The following SYNGR4 variants were observed in gnomAD, a reference collection of about 807,000 sequenced individuals.
The protein encoded by SYNGR4 is synaptogyrin 4.
A neutral mutation model predicts 15.5 loss-of-function variants in SYNGR4; 15 were observed. The ratio of observed to expected loss-of-function variants is 0.97; its 90% CI spans 0.65 to 1.49. The LOEUF (loss-of-function observed/expected upper bound fraction) is 1.49, where lower values mean the gene tolerates loss of function less well. Among genes scored for constraint, SYNGR4 ranks in the 40% most tolerant of loss-of-function variants. SYNGR4 has a pLI of 0.00. For synonymous variants in SYNGR4, 121 were observed against 127.4 expected (o/e 0.95, Z 0.34); for missense variants, 292 against 299.3 (o/e 0.98, Z 0.18).
At chr19:48,372,788 T>C (rs768636692) in intron 2 of SYNGR4, among the ~76,000 whole-genome samples, 6 of 152,230 alleles carry the variant, frequency 3.9e-5, no homozygotes, top group African/African-American at 7.2e-5. Flanking sequence ...GTGTTTCTTA[T>C]GTTTCTCTTC....
intron 2 of SYNGR4, among the ~76,000 whole-genome samples, chr19:48,366,648 T>C (rs28475045): frequency 0.095 from 14,412 of 151,920 alleles, 2,280 homozygotes; most frequent in African/African-American, 0.33. Context: ...TCAAGTGTTC[T>C]GCCCACCTCA....
intron 2 of SYNGR4, among the ~76,000 whole-genome samples, chr19:48,372,706 C>G (rs1970328310): frequency 6.6e-6 from 1 of 151,592 alleles, no homozygotes; most frequent in South Asian, 2.1e-4. Flanking sequence ...TAGTATTTGT[C>G]TAAAACAAAA....
At chr19:48,370,683 C>T (rs1458629844) in intron 2 of SYNGR4, among the ~76,000 whole-genome samples, 1 of 152,098 alleles carries the variant, frequency 6.6e-6, no homozygotes, top group African/African-American at 2.4e-5. Context: ...CCTTAACCTC[C>T]CAAAGCACTG....
chr19:48,368,714 C>T (rs560041913), intron 2 of SYNGR4, among the ~76,000 whole-genome samples: 11,949 of 148,644 alleles, frequency 0.08, 1,554 homozygotes, highest in African/African-American at 0.3. Context: ...AAATCATTAC[C>T]GTGTGTGAGG....
At chr19:48,371,133 C>T (rs1970298192) in intron 2 of SYNGR4, among the ~76,000 whole-genome samples, 1 of 152,202 alleles carries the variant, frequency 6.6e-6, no homozygotes, top group Admixed American at 6.5e-5. Flanking sequence ...CAGAACCCTC[C>T]AGTGAGTTTC....
intron 2 of SYNGR4, among the ~76,000 whole-genome samples, chr19:48,367,700 C>A (rs576941312): frequency 3.9e-5 from 6 of 152,252 alleles, no homozygotes; most frequent in African/African-American, 1.2e-4. Flanking sequence ...AGGCACCATG[C>A]CACCGTTCAT....
chr19:48,366,188 A>C (rs536340292), intron 2 of SYNGR4, among the ~76,000 whole-genome samples: 1 of 152,250 alleles, frequency 6.6e-6, no homozygotes, highest in East Asian at 1.9e-4. Context: ...TGAGATAACA[A>C]AACTAGGGCT....
Position 48,367,598 on chromosome 19 carries a change from A to T in SYNGR4, c.93+1663A>T, listed in dbSNP as rs116805081. Among the ~76,000 whole-genome samples the T allele has an allele frequency of 5.3e-3, 802 of 152,110 alleles. 3 individuals carry two copies. Among genetic ancestry groups the T allele is most frequent in the African/African-American group, 0.017 (701 of 41,476 alleles). On this transcript the variant is annotated intron_variant, in intron 2 of 4. Coordinates refer to ENST00000344846, the MANE Select transcript of SYNGR4 (RefSeq NM_012451.4). ...TTTTCCACCTCCCAGTTGAGGGAGG[A>T]GGAGAAGGAGAGGAACAGGGGCTGG...
Position 48,376,364 on chromosome 19 carries a change from G to T in SYNGR4, c.*46G>T. 1.3e-6 allele frequency: 2 copies of T among 1,588,612 alleles called. No homozygotes were observed. Among genetic ancestry groups the T allele is most frequent in the Non-Finnish European group, 1.7e-6 (2 of 1,169,434 alleles). ...AAAGAGAGAATCCTCCCTCCAGAAG[G>T]GTTTCTAAAAACAGCCCTCAGTCCT... is the stretch of plus-strand genomic sequence containing the variant. On this transcript the variant is annotated 3_prime_UTR_variant, in exon 5 of 5. Coordinates refer to ENST00000344846, the MANE Select transcript of SYNGR4 (RefSeq NM_012451.4).
At chr19:48,372,799 G>A (rs371635888) in intron 2 of SYNGR4, among the ~76,000 whole-genome samples, 50 of 152,304 alleles carry the variant, frequency 3.3e-4, no homozygotes, top group South Asian at 1.2e-3. Flanking sequence ...GTTTCTCTTC[G>A]TATTTTTCTG....
intron 2 of SYNGR4, among the ~76,000 whole-genome samples, chr19:48,366,375 G>A (rs1970221387): frequency 6.8e-6 from 1 of 148,074 alleles, no homozygotes; most frequent in Non-Finnish European, 1.5e-5. Flanking sequence ...AGGCAACAGA[G>A]CCAGACTCCA....
At chr19:48,364,857 C>T (rs1569042351) in intron 1 of SYNGR4, among the ~76,000 whole-genome samples, 1 of 151,928 alleles carries the variant, frequency 6.6e-6, no homozygotes. Flanking sequence ...AGGACCCAGT[C>T]CCTCTGCAGG....
At position 48,376,295 on chromosome 19, in the gene SYNGR4, C is replaced by T; in HGVS notation, c.682C>T (p.Leu228Phe). ...PCLTAPKSPR[L>F]AMMPDN ...TCTGACCGCTCCAAAGTCCCCCCGGCTTGCTATGATGCCTGACAACTAAAT... is the reference window on the plus strand; with the variant it reads ...TCTGACCGCTCCAAAGTCCCCCCGGTTTGCTATGATGCCTGACAACTAAAT... The change falls in exon 5 of 5, where the codon CTT (leucine) becomes TTT (phenylalanine). Residue 228 changes from leucine to phenylalanine, a missense_variant. Transcript: ENST00000344846. The T allele has an allele frequency of 1.2e-6, 2 of 1,613,108 alleles. No homozygotes were observed. The highest frequency in any genetic ancestry group is 1.7e-6 in the Non-Finnish European group (2 of 1,179,726).
chr19:48,372,453 G>T (rs563396792), intron 2 of SYNGR4, among the ~76,000 whole-genome samples: 1 of 152,078 alleles, frequency 6.6e-6, no homozygotes, highest in East Asian at 1.9e-4. Context: ...AGACCATCGT[G>T]GCTGGCATGG....
chr19:48,365,980 C>T, intron 2 of SYNGR4, 45 bp downstream of exon 2: 1 of 1,595,402 alleles, frequency 6.3e-7, no homozygotes, highest in Non-Finnish European at 8.6e-7. Flanking sequence ...GTGACAGGAG[C>T]CAGGAGCTCT....
In SYNGR4 at chr19:48,376,145, C is replaced by A; in HGVS notation, c.532C>A (p.Arg178Ser). The part of the protein sequence containing the change: ...LRNDAPVPYK[R>S]FLDEGGMVLT... Reference sequence around the variant, plus strand: ...AAATGATGCTCCAGTCCCTTACAAGCGCTTCCTGGATGAGGGTGGCATGGT... The same window carrying A: ...AAATGATGCTCCAGTCCCTTACAAGAGCTTCCTGGATGAGGGTGGCATGGT... Residue 178 changes from arginine to serine, a missense_variant, in exon 5 of 5, where the codon CGC becomes AGC. Transcript: ENST00000344846. The A allele has an allele frequency of 6.2e-7, 1 of 1,614,102 alleles. No individual in the cohort carries two copies. The highest frequency in any genetic ancestry group is 8.5e-7 in the Non-Finnish European group (1 of 1,180,024).
chr19:48,374,514 G>A (rs145678729), intron 3 of SYNGR4, among the ~76,000 whole-genome samples: 5 of 152,260 alleles, frequency 3.3e-5, no homozygotes, highest in African/African-American at 1.2e-4. Flanking sequence ...CCACCCTGCC[G>A]CTCCTCCTCC....
At chr19:48,367,095 A>G (rs538520330) in intron 2 of SYNGR4, among the ~76,000 whole-genome samples, 16 of 151,404 alleles carry the variant, frequency 1.1e-4, no homozygotes, top group Middle Eastern at 3.4e-3. Context: ...CGGAGGTTGC[A>G]CTGCAGCCTC....
chr19:48,366,738 G>A (rs1348262815), intron 2 of SYNGR4, among the ~76,000 whole-genome samples: 1 of 152,150 alleles, frequency 6.6e-6, no homozygotes, highest in Non-Finnish European at 1.5e-5. Context: ...GATGTCCAGT[G>A]GGGTAGCCAC....
Sources: gnomAD v4.1 joint callset for allele counts (sites outside exome capture counted in the v4.1 genomes callset) on GRCh38, gnomAD v4.1.1 for gene constraint, MANE v1.5 for transcripts, NCBI Gene and HGNC (gene_info 2026-07-23, HGNC 2026-07-21) for gene names.